Variants in CCDC134 observed in about 807,000 individuals in gnomAD.
CCDC134 encodes coiled-coil domain-containing protein 134.
A neutral mutation model predicts 25.6 loss-of-function variants in CCDC134; 27 were observed. The ratio of observed to expected loss-of-function variants is 1.05; its 90% CI spans 0.78 to 1.45. The LOEUF (loss-of-function observed/expected upper bound fraction) is 1.45, where lower values mean the gene tolerates loss of function less well. Ranked by LOEUF, CCDC134 falls within the 40% of genes most tolerant of loss-of-function variation. CCDC134 has a pLI of 0.00. For synonymous variants in CCDC134, 110 were observed against 115.0 expected (o/e 0.96, Z 0.28); for missense variants, 261 against 286.7 (o/e 0.91, Z 0.65).
At position 41,813,810 on chromosome 22, in the gene CCDC134, C is replaced by T. The variant is rs371808841; in HGVS notation, c.552C>T (p.Ile184=). 5.0e-5 allele frequency: 81 copies of T among 1,614,052 alleles called. No homozygotes were observed. The highest frequency in any genetic ancestry group is 3.3e-4 in the Middle Eastern group (2 of 6,078). Residue 184 remains isoleucine (I), a synonymous_variant, in exon 6 of 7, where the codon ATC becomes ATT. Transcript: ENST00000255784. ...CCAACTTCCAGAACCCATTTAAAAT[C>T]GACCGCACAGAGGTGAGCTGCCAGG... ...KDSNFQNPFK[I]DRTEFIPSTD...
At chr22:41,804,638 C>G (rs1409732754) in intron 1 of CCDC134, among the ~76,000 whole-genome samples, 1 of 152,164 alleles carries the variant, frequency 6.6e-6, no homozygotes, top group East Asian at 1.9e-4. Flanking sequence ...GGTTCCTGGG[C>G]CTGCCAGGAA....
chr22:41,801,974 A>G (rs1418228676), intron 1 of CCDC134, among the ~76,000 whole-genome samples: 1 of 152,210 alleles, frequency 6.6e-6, no homozygotes, highest in South Asian at 2.1e-4. Context: ...GAATAGCAAG[A>G]GTGGTGCTAG....
intron 3 of CCDC134, 98 bp from the exon 4 acceptor site, chr22:41,810,109 G>GCA (rs1378925404): frequency 6.3e-7 from 1 of 1,586,824 alleles, no homozygotes; most frequent in African/African-American, 1.3e-5. Flanking sequence ...GGGGAACTGC[G>GCA]CACACGTAAG....
rs1276275900 is a variant in CCDC134, at chr22:41,819,997, A to T, written c.565-5701A>T. 4.7e-4 allele frequency among the ~76,000 whole-genome samples: 62 copies of T among 130,720 alleles called. 1 individual carries two copies. Among genetic ancestry groups the T allele is most frequent in the Middle Eastern group, 7.6e-3 (2 of 262 alleles). 85.8% of individuals were successfully genotyped at this position (130,720 alleles called of 152,430 possible). ...TATATATATATATATATATATATATATAATTTTTTTTTTTTGAGACGGAGT... is the reference window on the plus strand; with the variant it reads ...TATATATATATATATATATATATATTTAATTTTTTTTTTTTGAGACGGAGT... On this transcript the variant is annotated intron_variant, in intron 6 of 6. Coordinates refer to ENST00000255784, the MANE Select transcript of CCDC134 (RefSeq NM_024821.5).
In CCDC134 at chr22:41,825,856, A is replaced by G. The variant is rs949584341; in HGVS notation, c.*33A>G. On this transcript the variant is annotated 3_prime_UTR_variant, in exon 7 of 7. Coordinates refer to ENST00000255784, the MANE Select transcript of CCDC134 (RefSeq NM_024821.5). The surrounding 1 kb of genome is among the most constrained non-coding windows in gnomAD (Gnocchi z 4.4). ...GCAGCTCAGGGCTCAGGGGGCCACA[A>G]GGAGGCAGGTCGGGAGGAAGAAGAG... 1.9e-6 allele frequency: 3 copies of G among 1,610,924 alleles called. No homozygotes were observed. The highest frequency in any genetic ancestry group is 2.5e-6 in the Non-Finnish European group (3 of 1,178,018).
chr22:41,809,080 G>A, intron 2 of CCDC134, 87 bp downstream of exon 2: 1 of 1,127,762 alleles, frequency 8.9e-7, no homozygotes, highest in Non-Finnish European at 1.3e-6. Context: ...GGATAAGCAG[G>A]CCCAGCTGGC....
chr22:41,816,945 T>C (rs1306395553), intron 6 of CCDC134, among the ~76,000 whole-genome samples: 2 of 152,062 alleles, frequency 1.3e-5, no homozygotes, highest in Non-Finnish European at 2.9e-5. Flanking sequence ...AAAGCATATG[T>C]CCTATGCCAG....
chr22:41,810,155 C>A (rs1434767245), intron 3 of CCDC134, 52 bp from the exon 4 acceptor site: 1 of 1,597,186 alleles, frequency 6.3e-7, no homozygotes, highest in Non-Finnish European at 8.6e-7. Flanking sequence ...GGGATGGGAG[C>A]AGTCTGTGAT....
Position 41,826,145 on chromosome 22 carries a change from T to G in CCDC134, c.*322T>G. 1 of 232,360 alleles carries G rather than the reference T, an allele frequency of 4.3e-6. No homozygotes were observed. The highest frequency in any genetic ancestry group is 8.7e-6 in the Non-Finnish European group (1 of 115,486). The allele number at this position is 232,360 out of a possible 1,614,324, so 14.4% of individuals were successfully genotyped here. A position where few individuals can be genotyped will look rare whatever the true frequency, so the allele number is the denominator to read the frequency against. ...GGCTGAAGACCTCTGGCCAGCTGGC[T>G]TCCGCCCTTGGTGGGGAAGCAGCAG... On this transcript the variant is annotated 3_prime_UTR_variant, in exon 7 of 7. Coordinates refer to ENST00000255784, the MANE Select transcript of CCDC134 (RefSeq NM_024821.5).
In CCDC134 at chr22:41,829,233, G is replaced by A. The variant is rs2046161904; in HGVS notation, c.*3410G>A. ...CTCCCCTTCCCCATCACTGTCCTCAGAGAGATGCTGTTGACAGCTCCTTGA... is the reference window on the plus strand; with the variant it reads ...CTCCCCTTCCCCATCACTGTCCTCAAAGAGATGCTGTTGACAGCTCCTTGA... On this transcript the variant is annotated 3_prime_UTR_variant, in exon 7 of 7. Coordinates refer to ENST00000255784, the MANE Select transcript of CCDC134 (RefSeq NM_024821.5). Among the ~76,000 whole-genome samples the A allele has an allele frequency of 6.6e-6, 1 of 152,174 alleles. No homozygotes were observed. The highest frequency in any genetic ancestry group is 1.5e-5 in the Non-Finnish European group (1 of 68,030).
Position 41,825,919 on chromosome 22 carries a change from C to T in CCDC134, c.*96C>T, listed in dbSNP as rs1048114961. On this transcript the variant is annotated 3_prime_UTR_variant, in exon 7 of 7. Coordinates refer to ENST00000255784, the MANE Select transcript of CCDC134 (RefSeq NM_024821.5). This position sits in a 1 kb window ranked among gnomAD's most constrained non-coding sequence, Gnocchi z 4.4. ...TTGTGGTGGAGAGCACCAGCTAGCC[C>T]CTTCCAGAAGGGGAGGCCACATTTG... The T allele has an allele frequency of 2.0e-6, 3 of 1,530,592 alleles. No individual in the cohort carries two copies. Among genetic ancestry groups the T allele is most frequent in the African/African-American group, 2.8e-5 (2 of 72,234 alleles). 94.8% of individuals were successfully genotyped at this position (1,530,592 alleles called of 1,614,324 possible).
At chr22:41,820,247 C>T (rs966136040) in intron 6 of CCDC134, among the ~76,000 whole-genome samples, 3 of 151,726 alleles carry the variant, frequency 2.0e-5, no homozygotes, top group South Asian at 4.2e-4. Context: ...CCGCCCACCT[C>T]GGCCTCCCAA....
Position 41,812,587 on chromosome 22 carries a change from C to T in CCDC134, c.311-677C>T, listed in dbSNP as rs561906716. ...CCGAGGTAGGAGGATCACTTGAGGCCAGGAGTTTGAGATCAGCCTGGGCAA... is the reference window on the plus strand; with the variant it reads ...CCGAGGTAGGAGGATCACTTGAGGCTAGGAGTTTGAGATCAGCCTGGGCAA... On this transcript the variant is annotated intron_variant, in intron 4 of 6. Transcript: ENST00000255784. Among the ~76,000 whole-genome samples, 18 of 152,064 alleles carry T rather than the reference C, an allele frequency of 1.2e-4. No individual in the cohort carries two copies. The South Asian group carries it at 3.7e-3, about 32-fold the overall frequency.
Position 41,831,981 on chromosome 22 carries a change from A to T in CCDC134, c.*6158A>T, listed in dbSNP as rs1346462456. 1 of 152,212 alleles carries T rather than the reference A, an allele frequency of 6.6e-6. No homozygotes were observed. 9.4% of individuals were successfully genotyped at this position (152,212 alleles called of 1,614,324 possible). On this transcript the variant is annotated 3_prime_UTR_variant, in exon 7 of 7. Coordinates refer to ENST00000255784, the MANE Select transcript of CCDC134 (RefSeq NM_024821.5). The stretch of plus-strand genomic sequence containing the variant: ...GACTAAACTGAGGCTTAGAACAATT[A>T]ACCCAAGGTCACAGTGAATTAGTGG...
chr22:41,809,563 C>T (rs1270470742), intron 2 of CCDC134, among the ~76,000 whole-genome samples: 7 of 152,060 alleles, frequency 4.6e-5, no homozygotes, highest in Admixed American at 2.6e-4. Flanking sequence ...GGGTGCAGCG[C>T]GAGCAGAGAG....
Position 41,830,170 on chromosome 22 carries a change from G to A in CCDC134, c.*4347G>A, listed in dbSNP as rs1471423694. Among the ~76,000 whole-genome samples, 1 of 152,224 alleles carries A rather than the reference G, an allele frequency of 6.6e-6. No individual in the cohort carries two copies. Among genetic ancestry groups the A allele is most frequent in the East Asian group, 1.9e-4 (1 of 5,200 alleles). On this transcript the variant is annotated 3_prime_UTR_variant, in exon 7 of 7. Coordinates refer to ENST00000255784, the MANE Select transcript of CCDC134 (RefSeq NM_024821.5). ...AGCCCTTGTCCTCCTGCTAGCCAGA[G>A]CAAGGTACCACCTGGAAGAGATGTT...
chr22:41,813,105 C>T (rs944751614), intron 4 of CCDC134, among the ~76,000 whole-genome samples, 159 bp from the exon 5 acceptor site: 3 of 152,116 alleles, frequency 2.0e-5, no homozygotes, highest in Admixed American at 6.6e-5. Context: ...GGCCCTAGTT[C>T]GCACTGTACA....
At chr22:41,819,980 T>TAC (rs1360766672) in intron 6 of CCDC134, among the ~76,000 whole-genome samples, 9 of 126,342 alleles carry the variant, frequency 7.1e-5, no homozygotes, top group South Asian at 2.5e-4. Flanking sequence ...TATATATATA[T>TAC]ATATATATAT....
chr22:41,813,892 G>A, intron 6 of CCDC134, 70 bp downstream of exon 6: 1 of 1,450,040 alleles, frequency 6.9e-7, no homozygotes, highest in South Asian at 1.1e-5. Context: ...AGGCCTGCAG[G>A]GGCTGGGGAC....
Sources: gnomAD v4.1 joint callset for allele counts (sites outside exome capture counted in the v4.1 genomes callset) on GRCh38, gnomAD v4.1.1 for gene constraint, Gnocchi (gnomAD v3.1) non-coding constraint, MANE v1.5 for transcripts, NCBI Gene and HGNC (gene_info 2026-07-23, HGNC 2026-07-21) for gene names.